The following MTUS2 variants were observed in gnomAD, a reference collection of about 807,000 sequenced individuals.
MTUS2 encodes the protein microtubule-associated tumor suppressor candidate 2.
In MTUS2, 40 loss-of-function variants were observed where a neutral mutation model predicts 114.1. The ratio of observed to expected loss-of-function variants is 0.35; its 90% CI spans 0.27 to 0.46. MTUS2 has a LOEUF of 0.46. Ranked by LOEUF, MTUS2 falls within the 20% of genes least tolerant of loss-of-function variation. MTUS2 has a pLI of 1.00. For missense variants in MTUS2, 1,679 were observed against 1,705.4 expected, an observed-to-expected ratio of 0.98 and a Z score of 0.27; for synonymous variants, 688 against 672.0, an observed-to-expected ratio of 1.02 and a Z score of -0.37.
At chr13:29,298,207 G>GA (rs1899034112) in intron 6 of MTUS2, among the ~76,000 whole-genome samples, 1 of 152,122 alleles carries the variant, frequency 6.6e-6, no homozygotes. Flanking sequence ...ATGCGTTGTA[G>GA]AAAATAAAAT....
chr13:28,986,230 C>A lies in MTUS2; in HGVS notation c.-242-38227C>A, dbSNP rs1243979595. Among the ~76,000 whole-genome samples the A allele has an allele frequency of 2.6e-5, 4 of 151,946 alleles. No individual in the cohort carries two copies. The South Asian group carries it at 8.3e-4, about 32-fold the overall frequency. On this transcript the variant is annotated intron_variant, in intron 2 of 15. Coordinates refer to ENST00000612955, the MANE Select transcript of MTUS2 (RefSeq NM_001033602.4). Reference sequence around the variant, plus strand: ...CATAGATGGCAGGCTTAGTTGGGAGCTGTTGGGGCCTATGGAGATCCATAT... The same window carrying A: ...CATAGATGGCAGGCTTAGTTGGGAGATGTTGGGGCCTATGGAGATCCATAT...
intron 2 of MTUS2, among the ~76,000 whole-genome samples, chr13:28,987,155 C>T (rs562965277): frequency 6.6e-6 from 1 of 152,320 alleles, no homozygotes; most frequent in South Asian, 2.1e-4. Context: ...GCTCTGGACT[C>T]GTCCACTGGA....
chr13:29,246,371 C>T (rs1896926659), intron 5 of MTUS2, among the ~76,000 whole-genome samples: 1 of 152,202 alleles, frequency 6.6e-6, no homozygotes. Context: ...GGATAGTCCC[C>T]AGAAGCAGAA....
At chr13:29,312,671 G>A (rs941747923) in intron 6 of MTUS2, among the ~76,000 whole-genome samples, 1 of 152,156 alleles carries the variant, frequency 6.6e-6, no homozygotes, top group Non-Finnish European at 1.5e-5. Context: ...TACCTGTGTA[G>A]CTTTAAAAAT....
chr13:29,383,318 T>G (rs1231960953), intron 8 of MTUS2, among the ~76,000 whole-genome samples: 2 of 151,096 alleles, frequency 1.3e-5, no homozygotes, highest in Non-Finnish European at 2.9e-5. Flanking sequence ...GTAAAAATCA[T>G]ATTTTAAAAT....
chr13:29,236,780 G>T (rs1284801604), intron 5 of MTUS2, among the ~76,000 whole-genome samples: 1 of 152,176 alleles, frequency 6.6e-6, no homozygotes, highest in Non-Finnish European at 1.5e-5. Flanking sequence ...GCAGGAACAG[G>T]TGCTATTGTT....
chr13:29,366,560 C>T (rs1030978369), intron 8 of MTUS2, among the ~76,000 whole-genome samples: 1 of 152,176 alleles, frequency 6.6e-6, no homozygotes, highest in Non-Finnish European at 1.5e-5. Flanking sequence ...CTCTGCCCTT[C>T]CTCAGGGGGT....
intron 2 of MTUS2, among the ~76,000 whole-genome samples, chr13:28,853,761 C>T (rs1306631796): frequency 6.6e-6 from 1 of 151,394 alleles, no homozygotes; most frequent in African/African-American, 2.4e-5. Flanking sequence ...TATATTCCTT[C>T]TGCTACTGTT....
Position 29,209,819 on chromosome 13 carries a change from C to A in MTUS2, c.2645-71885C>A, listed in dbSNP as rs1307827714. Among the ~76,000 whole-genome samples the A allele has an allele frequency of 2.6e-5, 4 of 152,266 alleles. No individual in the cohort carries two copies. In the East Asian group the frequency reaches 7.7e-4, roughly 29 times the overall value. ...ATGTGCTGTTAATCTGATAGGTATTCCTCTATAAGTTACTTGTTACTTTTT... is the reference window on the plus strand; with the variant it reads ...ATGTGCTGTTAATCTGATAGGTATTACTCTATAAGTTACTTGTTACTTTTT... On this transcript the variant is annotated intron_variant, in intron 5 of 15. Transcript: ENST00000612955.
intron 7 of MTUS2, among the ~76,000 whole-genome samples, chr13:29,347,157 T>C (rs904514312): frequency 6.6e-6 from 1 of 152,148 alleles, no homozygotes; most frequent in African/African-American, 2.4e-5. Flanking sequence ...AATGGGAGCC[T>C]CAAGTTAGTC....
At chr13:29,396,688 C>T (rs893486333) in intron 8 of MTUS2, among the ~76,000 whole-genome samples, 3 of 152,162 alleles carry the variant, frequency 2.0e-5, no homozygotes, top group Non-Finnish European at 4.4e-5. Flanking sequence ...GTCTGCAATT[C>T]CTTACATCAA....
intron 7 of MTUS2, among the ~76,000 whole-genome samples, chr13:29,346,516 C>A (rs1330834770): frequency 3.4e-4 from 51 of 150,018 alleles, no homozygotes; most frequent in African/African-American, 1.2e-3. Flanking sequence ...TTACCCAATG[C>A]CCATACAGCC....
chr13:29,166,728 G>A (rs961466098), intron 5 of MTUS2, among the ~76,000 whole-genome samples: 10 of 152,094 alleles, frequency 6.6e-5, no homozygotes, highest in South Asian at 2.1e-4. Context: ...TCCTTAAAAA[G>A]TTGTTTGAGA....
At chr13:29,339,050 A>G (rs1211129158) in intron 7 of MTUS2, among the ~76,000 whole-genome samples, 1 of 152,092 alleles carries the variant, frequency 6.6e-6, no homozygotes, top group African/African-American at 2.4e-5. Context: ...GCTCAGGAGA[A>G]GGTGGCAGGG....
chr13:29,260,887 A>G (rs74648524), intron 5 of MTUS2, among the ~76,000 whole-genome samples: 5,285 of 152,270 alleles, frequency 0.035, 99 homozygotes, highest in African/African-American at 0.057. Context: ...TCTAGTGGGT[A>G]GAGGCCGGGG....
intron 9 of MTUS2, among the ~76,000 whole-genome samples, chr13:29,458,643 T>C (rs1879278928): frequency 6.6e-6 from 1 of 152,144 alleles, no homozygotes; most frequent in African/African-American, 2.4e-5. Flanking sequence ...CTAGCCCTAA[T>C]CTCTCTCTTA....
rs1048322348 is a variant in MTUS2 at position 28,970,237 on chromosome 13, G to A, written c.-242-54220G>A. Among the ~76,000 whole-genome samples the A allele has an allele frequency of 2.6e-4, 39 of 151,942 alleles. 1 individual carries two copies. Among genetic ancestry groups the A allele is most frequent in the African/African-American group, 8.7e-4 (36 of 41,318 alleles). Reference sequence around the variant, plus strand: ...TCTATTTGTCAATGTTTAGTATTATGCTTCATGCATGCTTTGTCTAGATCT... The same window carrying A: ...TCTATTTGTCAATGTTTAGTATTATACTTCATGCATGCTTTGTCTAGATCT... On this transcript the variant is annotated intron_variant, in intron 2 of 15. Coordinates refer to ENST00000612955, the MANE Select transcript of MTUS2 (RefSeq NM_001033602.4).
chr13:29,031,237 G>GGGGTGTGTGTGTGTGTGTGTGTGTGTGT (rs144071821), intron 3 of MTUS2, among the ~76,000 whole-genome samples: 2 of 122,886 alleles, frequency 1.6e-5, no homozygotes, highest in Non-Finnish European at 3.4e-5. Context: ...AGAACTAATA[G>GGGGTGTGTGTGTGTGTGTGTGTGTGTGT]GTGTGTGTGT....
chr13:29,332,962 A>G (rs1257856662), intron 7 of MTUS2, among the ~76,000 whole-genome samples: 1 of 151,764 alleles, frequency 6.6e-6, no homozygotes, highest in Non-Finnish European at 1.5e-5. Flanking sequence ...TTGTGATGTT[A>G]GAGTGTCGAT....
Sources: gnomAD v4.1 joint callset for allele counts (sites outside exome capture counted in the v4.1 genomes callset) on GRCh38, gnomAD v4.1.1 for gene constraint, MANE v1.5 for transcripts, NCBI Gene and HGNC (gene_info 2026-07-23, HGNC 2026-07-21) for gene names.